ALDH1L1: variants seen among roughly 807,000 people sequenced by gnomAD.
ALDH1L1 encodes aldehyde dehydrogenase 1 family member L1, also known as cytosolic 10-formyltetrahydrofolate dehydrogenase.
A neutral mutation model predicts 101.1 loss-of-function variants in ALDH1L1; 68 were observed. That is an observed-to-expected ratio of 0.67 (90% CI 0.55 to 0.82). The LOEUF is 0.82. Among genes scored for constraint, ALDH1L1 ranks in the 40% least tolerant of loss-of-function variants. The pLI is 0.00. For missense variants in ALDH1L1, 1,087 were observed against 1,172.7 expected, an observed-to-expected ratio of 0.93 and a Z score of 1.07; for synonymous variants, 486 against 470.8, an observed-to-expected ratio of 1.03 and a Z score of -0.42.
intron 9 of ALDH1L1, among the ~76,000 whole-genome samples, chr3:126,146,296 C>T (rs1315040636): frequency 3.3e-5 from 5 of 152,110 alleles, no homozygotes; most frequent in East Asian, 3.9e-4. Context: ...CCTGGGCTCC[C>T]GCTCTCCCTC....
chr3:126,139,095 C>A (rs1430158681), intron 9 of ALDH1L1, among the ~76,000 whole-genome samples: 1 of 152,242 alleles, frequency 6.6e-6, no homozygotes, highest in Non-Finnish European at 1.5e-5. Context: ...CAATAAGGAC[C>A]TTGTCCTCTG....
At chr3:126,166,149 G>A (rs200498769) in intron 1 of ALDH1L1, among the ~76,000 whole-genome samples, 3 of 151,946 alleles carry the variant, frequency 2.0e-5, no homozygotes, top group East Asian at 1.9e-4. Flanking sequence ...ACTTTAAACC[G>A]CACCCCTCGT....
chr3:126,154,424 CACCCAGTGGGAGTAGGGG>C lies in ALDH1L1; in HGVS notation c.720+112_720+129del, dbSNP rs1559957722. 2.9e-5 allele frequency: 26 copies of C among 907,730 alleles called. No homozygotes were observed. The African/African-American group carries it at 3.8e-4, about 13-fold the overall frequency. The allele number at this position is 907,730 out of a possible 1,614,324, so 56.2% of individuals were successfully genotyped here. A position where few individuals can be genotyped will look rare whatever the true frequency, so the allele number is the denominator to read the frequency against. On this transcript the variant is annotated intron_variant, in intron 6 of 22. Transcript: ENST00000393434. ...GGGAAAGGCTGGGATGTTTAGGGGG[CACCCAGTGGGAGTAGGGG>C]CCAGGGCAGTAGCTATTTATTATAC...
At position 126,164,482 on chromosome 3, in the gene ALDH1L1, T is replaced by G. The variant is rs143732410; in HGVS notation, c.-23-3480A>C. On this transcript the variant is annotated intron_variant, in intron 1 of 22. Coordinates refer to ENST00000393434, the MANE Select transcript of ALDH1L1 (RefSeq NM_012190.4). ...AAGTGAGAACGTGCAGTATCTGGTT[T>G]TCTGTTTATGCCTTAATTCACTTAG... Among the ~76,000 whole-genome samples, 27 of 152,316 alleles carry G rather than the reference T, an allele frequency of 1.8e-4. No homozygotes were observed. In the East Asian group the frequency reaches 5.0e-3, roughly 28 times the overall value.
chr3:126,185,203 G>T (rs1292773761), upstream of ALDH1L1, among the ~76,000 whole-genome samples: 1 of 152,202 alleles, frequency 6.6e-6, no homozygotes, highest in South Asian at 2.1e-4. Context: ...CCCTGCTCCT[G>T]CCAGGTCCTC....
At chr3:126,194,411 G>A (rs191964117) in intron 1 of ALDH1L1, among the ~76,000 whole-genome samples, 12 of 152,230 alleles carry the variant, frequency 7.9e-5, no homozygotes, top group Non-Finnish European at 4.4e-5. Context: ...CTATTTTGAA[G>A]CTGAAATTTG....
chr3:126,153,385 C>T, intron 7 of ALDH1L1, 59 bp downstream of exon 7: 1 of 1,606,492 alleles, frequency 6.2e-7, no homozygotes, highest in East Asian at 2.2e-5. Flanking sequence ...AGGCCTGAGT[C>T]CAAGGACAGG....
chr3:126,111,257 C>T (rs1451827710), intron 19 of ALDH1L1, among the ~76,000 whole-genome samples: 1 of 152,228 alleles, frequency 6.6e-6, no homozygotes, highest in Non-Finnish European at 1.5e-5. Flanking sequence ...TTAGGCAGCA[C>T]AATGCATGGA....
At chr3:126,187,265 GGAAGGGAA>G (rs1039020329) in intron 1 of ALDH1L1, among the ~76,000 whole-genome samples, 2 of 152,090 alleles carry the variant, frequency 1.3e-5, no homozygotes, top group Non-Finnish European at 1.5e-5. Context: ...AAAAACGGGG[GGAAGGGAA>G]GATGTCCAAA....
intron 7 of ALDH1L1, chr3:126,152,268 A>C (rs2080820601): frequency 6.6e-6 from 1 of 152,226 alleles, no homozygotes; most frequent in African/African-American, 2.4e-5. Flanking sequence ...GAGCAGCCCC[A>C]GGCTAGACTT....
intron 15 of ALDH1L1, 128 bp from the exon 16 acceptor site, chr3:126,124,579 C>T (rs1351992855): frequency 1.3e-6 from 1 of 753,774 alleles, no homozygotes; most frequent in Non-Finnish European, 2.2e-6. Context: ...GATTGTGGCA[C>T]CAGGAAGACC....
At chr3:126,180,125 C>T (rs2081445586) in intron 1 of ALDH1L1, 1 of 152,522 alleles carries the variant, frequency 6.6e-6, no homozygotes, top group African/African-American at 2.4e-5. Flanking sequence ...CTTATCGAGC[C>T]TCAGTTTTCT....
At chr3:126,106,604 G>C (rs1001243374) in intron 21 of ALDH1L1, among the ~76,000 whole-genome samples, 3 of 152,090 alleles carry the variant, frequency 2.0e-5, no homozygotes, top group Non-Finnish European at 4.4e-5. Context: ...AGAGCCTTTT[G>C]GCTTCCACCT....
Position 126,131,660 on chromosome 3 carries a change from G to A in ALDH1L1, c.1473-126C>T, listed in dbSNP as rs1174817489. 14 of 1,105,088 alleles carry A rather than the reference G, an allele frequency of 1.3e-5. No individual in the cohort carries two copies. In the South Asian group the frequency reaches 1.5e-4, roughly 12 times the overall value. The allele number at this position is 1,105,088 out of a possible 1,614,324, so 68.5% of individuals were successfully genotyped here. On this transcript the variant is annotated intron_variant, in intron 12 of 22. Transcript: ENST00000393434. ...CCCCAGTTCTGCCACTCTCAGATGT[G>A]CGGACCTCCGTTTCTGATCCATGCA...
chr3:126,158,960 G>A (rs778645953), intron 2 of ALDH1L1, among the ~76,000 whole-genome samples: 6 of 152,170 alleles, frequency 3.9e-5, no homozygotes, highest in East Asian at 1.9e-4. Context: ...ACTGTCTTCC[G>A]GCCCCCTCTA....
chr3:126,143,727 G>A (rs1280338859), intron 9 of ALDH1L1, among the ~76,000 whole-genome samples: 3 of 152,206 alleles, frequency 2.0e-5, no homozygotes, highest in African/African-American at 7.2e-5. Flanking sequence ...AGGATCACTT[G>A]AGCCTAGGAG....
intron 12 of ALDH1L1, 143 bp downstream of exon 12, chr3:126,135,392 C>G: frequency 8.8e-7 from 1 of 1,130,272 alleles, no homozygotes; most frequent in Non-Finnish European, 1.2e-6. Context: ...CCCAGCCTGG[C>G]CCATCTGATG....
At chr3:126,134,394 G>C (rs966621747) in intron 12 of ALDH1L1, among the ~76,000 whole-genome samples, 2 of 152,214 alleles carry the variant, frequency 1.3e-5, no homozygotes, top group Non-Finnish European at 2.9e-5. Context: ...CACCAAACGC[G>C]CACGCAGGGC....
chr3:126,132,053 C>T (rs1385415030), intron 12 of ALDH1L1, among the ~76,000 whole-genome samples: 1 of 152,232 alleles, frequency 6.6e-6, no homozygotes, highest in Non-Finnish European at 1.5e-5. Flanking sequence ...TAGGGAGCAA[C>T]GTGGGGGCTG....
Sources: allele counts gnomAD v4.1 joint callset (sites outside exome capture counted in the v4.1 genomes callset), GRCh38; gene constraint gnomAD v4.1.1; transcripts MANE v1.5; gene names NCBI Gene and HGNC (gene_info 2026-07-23, HGNC 2026-07-21).